Variants in AGTPBP1 observed in about 807,000 individuals in gnomAD.
The protein encoded by AGTPBP1 is cytosolic carboxypeptidase 1.
In AGTPBP1, 70 loss-of-function variants were observed where a neutral mutation model predicts 143.9. That is an observed-to-expected ratio of 0.49 (90% CI 0.40 to 0.59). The LOEUF is 0.59. AGTPBP1 is among the 20% of genes least tolerant of loss of function. AGTPBP1 has a pLI of 0.00. For missense variants in AGTPBP1, 1,229 were observed against 1,464.5 expected, an observed-to-expected ratio of 0.84 and a Z score of 2.62; for synonymous variants, 463 against 500.2, an observed-to-expected ratio of 0.93 and a Z score of 0.99.
chr9:85,744,400 C>A (rs1273085620), upstream of AGTPBP1, among the ~76,000 whole-genome samples: 1 of 152,178 alleles, frequency 6.6e-6, no homozygotes, highest in Non-Finnish European at 1.5e-5. Flanking sequence ...CATTGTGAAC[C>A]TAAGAAAATA....
the AGTPBP1 span, among the ~76,000 whole-genome samples, chr9:85,767,207 TG>T: frequency 7.0e-6 from 1 of 142,526 alleles, no homozygotes; most frequent in African/African-American, 2.7e-5. Context: ...TTTTTTGAGA[TG>T]GAGTCTCAGT....
chr9:85,572,322 T>G (rs1687448557), intron 25 of AGTPBP1, among the ~76,000 whole-genome samples: 2 of 152,086 alleles, frequency 1.3e-5, no homozygotes, highest in Admixed American at 1.3e-4. Flanking sequence ...TGTGAGCCAC[T>G]GCGGCTGGCT....
intron 17 of AGTPBP1, among the ~76,000 whole-genome samples, chr9:85,603,955 G>A (rs955297547): frequency 6.6e-6 from 1 of 152,194 alleles, no homozygotes; most frequent in Non-Finnish European, 1.5e-5. Flanking sequence ...TTGGGTGCCA[G>A]CTTAGCTGCA....
the AGTPBP1 span, among the ~76,000 whole-genome samples, chr9:85,771,533 G>C: frequency 6.6e-6 from 1 of 152,134 alleles, no homozygotes; most frequent in African/African-American, 2.4e-5. Flanking sequence ...GTTATGCACA[G>C]CCTCCTCTTG....
At chr9:85,712,638 A>C (rs1837452900) in intron 1 of AGTPBP1, 72 bp from the exon 2 acceptor site, 1 of 681,894 alleles carries the variant, frequency 1.5e-6, no homozygotes, top group Admixed American at 3.9e-5. Context: ...CACAGAAGCC[A>C]TACAATGGAA....
intron 14 of AGTPBP1, among the ~76,000 whole-genome samples, chr9:85,628,777 G>A (rs530395872): frequency 7.9e-5 from 12 of 152,220 alleles, no homozygotes; most frequent in African/African-American, 1.2e-4. Flanking sequence ...GCGGTGGCAC[G>A]ATCTCAGCTC....
chr9:85,583,357 T>A (rs551745898), intron 23 of AGTPBP1, among the ~76,000 whole-genome samples: 1 of 152,074 alleles, frequency 6.6e-6, no homozygotes, highest in African/African-American at 2.4e-5. Flanking sequence ...CACACCCACA[T>A]GCGCACCTGC....
intron 25 of AGTPBP1, among the ~76,000 whole-genome samples, chr9:85,556,087 TGG>T (rs1285425474): frequency 6.6e-6 from 1 of 152,126 alleles, no homozygotes; most frequent in Non-Finnish European, 1.5e-5. Flanking sequence ...CCCCGTGACA[TGG>T]GTTTACCTAT....
chr9:85,681,661 T>C (rs1346972715), intron 3 of AGTPBP1, among the ~76,000 whole-genome samples: 1 of 151,590 alleles, frequency 6.6e-6, no homozygotes, highest in Non-Finnish European at 1.5e-5. Flanking sequence ...CTCATCTTCA[T>C]GAGTAGAACT....
intron 25 of AGTPBP1, among the ~76,000 whole-genome samples, chr9:85,568,132 T>A (rs1240781275): frequency 6.6e-6 from 1 of 152,200 alleles, no homozygotes; most frequent in Non-Finnish European, 1.5e-5. Flanking sequence ...GTGTGGTCCA[T>A]TGACCAGTGT....
At chr9:85,764,964 T>G in the AGTPBP1 span, 2 of 779,376 alleles carry the variant, frequency 2.6e-6, 1 homozygote, top group South Asian at 2.7e-5. Flanking sequence ...TGCTGTATGA[T>G]GGATCACTTG....
chr9:85,783,408 A>G, the AGTPBP1 span, among the ~76,000 whole-genome samples: 1 of 152,214 alleles, frequency 6.6e-6, no homozygotes, highest in Non-Finnish European at 1.5e-5. Context: ...AATTCTTTTC[A>G]TATTTTCCCC....
intron 17 of AGTPBP1, among the ~76,000 whole-genome samples, chr9:85,618,508 A>C (rs918477090): frequency 3.3e-5 from 5 of 152,136 alleles, no homozygotes; most frequent in Non-Finnish European, 5.9e-5. Context: ...AATCATTAAC[A>C]AAATATTAGC....
At chr9:85,774,934 G>A in the AGTPBP1 span, among the ~76,000 whole-genome samples, 25 of 152,096 alleles carry the variant, frequency 1.6e-4, no homozygotes, top group Admixed American at 6.6e-5. Flanking sequence ...GTTTGGTTCC[G>A]AAACTGATAT....
chr9:85,770,789 C>A, the AGTPBP1 span, among the ~76,000 whole-genome samples: 2 of 151,918 alleles, frequency 1.3e-5, 1 homozygote, highest in Admixed American at 1.3e-4. Flanking sequence ...CTCATTATTT[C>A]TTGGATGTTT....
chr9:85,719,798 T>C (rs1837979492), intron 1 of AGTPBP1, among the ~76,000 whole-genome samples: 1 of 152,246 alleles, frequency 6.6e-6, no homozygotes, highest in Non-Finnish European at 1.5e-5. Context: ...GCTGTGGGTC[T>C]GTCATAAATA....
Position 85,576,745 on chromosome 9 carries a change from T to G in AGTPBP1, c.3343-1270A>C, listed in dbSNP as rs1433305448. 2.6e-5 allele frequency among the ~76,000 whole-genome samples: 4 copies of G among 152,220 alleles called. No homozygotes were observed. In the East Asian group the frequency reaches 5.8e-4, roughly 22 times the overall value. ...AGGTTGGGAATATATGGGAGCTCTG[T>G]GTGCTTTCCACTCAATTTTGCTGTG... On this transcript the variant is annotated intron_variant, in intron 24 of 25. Transcript: ENST00000357081.
At chr9:85,623,839 C>A (rs1402143107) in intron 14 of AGTPBP1, among the ~76,000 whole-genome samples, 2 of 151,802 alleles carry the variant, frequency 1.3e-5, no homozygotes, top group Non-Finnish European at 2.9e-5. Context: ...AGAAGAATGA[C>A]AACTCTTCCT....
chr9:85,727,557 G>T lies in AGTPBP1; in HGVS notation c.-34+14218C>A, dbSNP rs188179675. On this transcript the variant is annotated intron_variant, in intron 1 of 25. Transcript: ENST00000357081. The stretch of plus-strand genomic sequence containing the variant: ...ACAGAAATACAGTGGCTTAGCAGAA[G>T]AATTCTCAACAGGTATCTAAGCTGA... Among the ~76,000 whole-genome samples the T allele has an allele frequency of 2.2e-3, 338 of 152,308 alleles. 2 individuals are homozygous for T. Among genetic ancestry groups the T allele is most frequent in the Non-Finnish European group, 2.8e-3 (191 of 68,030 alleles).
Sources: allele counts gnomAD v4.1 joint callset (sites outside exome capture counted in the v4.1 genomes callset), GRCh38; gene constraint gnomAD v4.1.1; transcripts MANE v1.5; gene names NCBI Gene and HGNC (gene_info 2026-07-23, HGNC 2026-07-21).